Variants in SQSTM1 observed in about 807,000 individuals in gnomAD.
SQSTM1 encodes sequestosome 1.
In SQSTM1, 36 loss-of-function variants were observed where a neutral mutation model predicts 45.1. That is an observed-to-expected ratio of 0.80 (90% CI 0.61 to 1.05). The LOEUF (loss-of-function observed/expected upper bound fraction) is 1.05, where lower values mean the gene tolerates loss of function less well. SQSTM1 is among the 50% of genes least tolerant of loss of function. The pLI is 0.00. For missense variants in SQSTM1, 617 were observed against 607.1 expected, an observed-to-expected ratio of 1.02 and a Z score of -0.17; for synonymous variants, 290 against 244.3, an observed-to-expected ratio of 1.19 and a Z score of -1.74.
At chr5:179,827,353 G>A (rs1047859243) in intron 5 of SQSTM1, among the ~76,000 whole-genome samples, 1 of 152,192 alleles carries the variant, frequency 6.6e-6, no homozygotes, top group African/African-American at 2.4e-5. Context: ...CCAGGCTGGA[G>A]TGCAGTGGCA....
chr5:179,817,016 G>A (rs1757600350), upstream of SQSTM1, among the ~76,000 whole-genome samples: 1 of 152,148 alleles, frequency 6.6e-6, no homozygotes, highest in South Asian at 2.1e-4. Context: ...CTTGCGGGCC[G>A]GTGGCCCCGG....
chr5:179,834,054 G>A (rs1041641946), intron 7 of SQSTM1, among the ~76,000 whole-genome samples: 1 of 151,272 alleles, frequency 6.6e-6, no homozygotes, highest in East Asian at 2.0e-4. Context: ...AACTTAACAT[G>A]CAGACCAGGA....
intron 1 of SQSTM1, chr5:179,807,710 T>G (rs998610129): frequency 2.0e-5 from 3 of 152,386 alleles, no homozygotes; most frequent in African/African-American, 7.2e-5. Context: ...TGCAGTGCAG[T>G]GGCGCAATCT....
In SQSTM1 at chr5:179,838,028, T is replaced by G; in HGVS notation, c.*1435T>G. 1 of 749,284 alleles carries G rather than the reference T, an allele frequency of 1.3e-6. No individual in the cohort carries two copies. Among genetic ancestry groups the G allele is most frequent in the Non-Finnish European group, 2.1e-6 (1 of 471,446 alleles). 46.4% of individuals were successfully genotyped at this position (749,284 alleles called of 1,614,324 possible). A position where few individuals can be genotyped will look rare whatever the true frequency, so the allele number is the denominator to read the frequency against. On this transcript the variant is annotated 3_prime_UTR_variant, in exon 8 of 8. Transcript: ENST00000389805. ...CTGTCAGGCTGGGACAGGCTTTGAT[T>G]TTGAGGGTTAGCAAGACAAAGCAAA...
intron 1 of SQSTM1, chr5:179,807,348 C>T (rs1183955287): frequency 2.6e-5 from 4 of 152,380 alleles, no homozygotes; most frequent in South Asian, 2.1e-4. Context: ...TCGCTGCCGC[C>T]CAGGGCGCTT....
intron 5 of SQSTM1, among the ~76,000 whole-genome samples, chr5:179,829,455 C>T (rs1408770343): frequency 6.6e-6 from 1 of 152,166 alleles, no homozygotes; most frequent in East Asian, 1.9e-4. Flanking sequence ...CTGAGGAAAG[C>T]CCCCACACAT....
intron 5 of SQSTM1, among the ~76,000 whole-genome samples, chr5:179,831,685 C>G (rs1007603826): frequency 6.6e-5 from 10 of 151,948 alleles, no homozygotes; most frequent in African/African-American, 2.2e-4. Context: ...AAAAGAGAAG[C>G]CATTATCAGT....
chr5:179,827,646 C>G (rs1357422676), intron 5 of SQSTM1, among the ~76,000 whole-genome samples: 1 of 152,246 alleles, frequency 6.6e-6, no homozygotes, highest in East Asian at 1.9e-4. Context: ...TTTCTCCGAA[C>G]TAGGGAGGAG....
chr5:179,836,998 G>A lies in SQSTM1; in HGVS notation c.*405G>A, dbSNP rs1758596610. 1.6e-6 allele frequency: 1 copy of A among 613,744 alleles called. No individual in the cohort carries two copies. The highest frequency in any genetic ancestry group is 2.0e-5 in the South Asian group (1 of 50,670). 38.0% of individuals were successfully genotyped at this position (613,744 alleles called of 1,614,324 possible). ...TTCTGCTACAGACCTGGTACACTCT[G>A]ATTTTAGATAAAGTAAGCCTAGGTG... On this transcript the variant is annotated 3_prime_UTR_variant, in exon 8 of 8. Transcript: ENST00000389805.
intron 1 of SQSTM1, chr5:179,822,737 T>C: frequency 1.6e-6 from 1 of 612,768 alleles, no homozygotes. Flanking sequence ...GCCCCCTGCA[T>C]GTGGCTGTGG....
chr5:179,828,122 A>G (rs1758071848), intron 5 of SQSTM1, among the ~76,000 whole-genome samples: 1 of 152,142 alleles, frequency 6.6e-6, no homozygotes. Context: ...GTGAAAGCAC[A>G]TTTCTTAAGA....
At chr5:179,817,793 T>C (rs1728115950), upstream of SQSTM1, among the ~76,000 whole-genome samples, 1 of 151,978 alleles carries the variant, frequency 6.6e-6, no homozygotes, top group Admixed American at 6.5e-5. Flanking sequence ...GCGGATCACC[T>C]GAAGTCAGGA....
rs2450484 is a variant in SQSTM1 at position 179,832,842 on chromosome 5, G to C, written c.755-190G>C. Among the ~76,000 whole-genome samples, 100,927 of 151,888 alleles carry C rather than the reference G, an allele frequency of 0.66. 35,006 individuals are homozygous for C. The highest frequency in any genetic ancestry group is 0.86 in the African/African-American group (35,771 of 41,422). The stretch of plus-strand genomic sequence containing the variant: ...CTGGTCCCATACTGGCTGTGTGATT[G>C]CGGGGTCGAGCTGGGTAGAACCTAG... On this transcript the variant is annotated intron_variant, in intron 5 of 7. Coordinates refer to ENST00000389805, the MANE Select transcript of SQSTM1 (RefSeq NM_003900.5).
At chr5:179,831,801 T>C (rs1357599179) in intron 5 of SQSTM1, among the ~76,000 whole-genome samples, 1 of 151,378 alleles carries the variant, frequency 6.6e-6, no homozygotes, top group Non-Finnish European at 1.5e-5. Flanking sequence ...TTTTTTTTTT[T>C]TGAGATGGAG....
At chr5:179,831,679 G>C (rs1758227956) in intron 5 of SQSTM1, among the ~76,000 whole-genome samples, 1 of 152,038 alleles carries the variant, frequency 6.6e-6, no homozygotes, top group African/African-American at 2.4e-5. Flanking sequence ...CAAAGGAAAA[G>C]AGAAGCCATT....
At chr5:179,834,236 T>TA (rs1554091557) in intron 7 of SQSTM1, among the ~76,000 whole-genome samples, 5 of 7,056 alleles carry the variant, frequency 7.1e-4, no homozygotes, top group African/African-American at 4.2e-3. Context: ...CAGGCAGCAG[T>TA]GGGGGGGTGG....
chr5:179,818,012 CAAAAAAAAAAA>C (rs528143529), upstream of SQSTM1, among the ~76,000 whole-genome samples: 666 of 29,212 alleles, frequency 0.023, 17 homozygotes, highest in African/African-American at 0.074. Context: ...GAGACTGTCT[CAAAAAAAAAAA>C]AAAAAAAAAA....
upstream of SQSTM1, among the ~76,000 whole-genome samples, chr5:179,814,125 C>T (rs1029477767): frequency 9.9e-5 from 15 of 152,212 alleles, no homozygotes; most frequent in African/African-American, 3.6e-4. Flanking sequence ...GACTCCATCT[C>T]AAACAAAAAA....
At chr5:179,823,425 C>T (rs1242349131) in intron 2 of SQSTM1, 1 of 175,608 alleles carries the variant, frequency 5.7e-6, no homozygotes, top group Non-Finnish European at 1.0e-5. Flanking sequence ...AATCACATGA[C>T]TGTACTCCAG....
Sources: gnomAD v4.1 joint callset for allele counts (sites outside exome capture counted in the v4.1 genomes callset) on GRCh38, gnomAD v4.1.1 for gene constraint, MANE v1.5 for transcripts, NCBI Gene and HGNC (gene_info 2026-07-23, HGNC 2026-07-21) for gene names.